Variants in FSHR observed in about 807,000 individuals in gnomAD.
FSHR encodes follicle stimulating hormone receptor.
A neutral mutation model predicts 52.1 loss-of-function variants in FSHR; 46 were observed. The observed-to-expected ratio is 0.88, with a 90% CI of 0.70 to 1.13. The LOEUF (loss-of-function observed/expected upper bound fraction) is 1.13. FSHR is among the 50% of genes most tolerant of loss of function. The pLI, the probability that FSHR is intolerant of heterozygous loss-of-function variation, is 0.00. For synonymous variants in FSHR, 399 were observed against 309.6 expected (o/e 1.29, Z -3.03); for missense variants, 964 against 834.6 (o/e 1.16, Z -1.91).
chr2:49,000,431 G>T (rs1001559772), intron 4 of FSHR, among the ~76,000 whole-genome samples: 2 of 152,144 alleles, frequency 1.3e-5, no homozygotes, highest in African/African-American at 2.4e-5. Flanking sequence ...TGTCACTATT[G>T]ATGTTTGTGC....
intron 2 of FSHR, among the ~76,000 whole-genome samples, chr2:49,043,199 C>A (rs982354400): frequency 3.3e-5 from 5 of 150,902 alleles, no homozygotes; most frequent in African/African-American, 1.2e-4. Context: ...CAAGGAGAAG[C>A]ACTTCTTAGA....
In FSHR at chr2:48,962,821, G is replaced by C. The variant is rs199948641; in HGVS notation, c.2000C>G (p.Pro667Arg). Residue 667 changes from proline to arginine, a missense_variant, in exon 10 of 10, where the codon CCA (proline) becomes CGA (arginine). Coordinates refer to ENST00000406846, the MANE Select transcript of FSHR (RefSeq NM_000145.4). ...AGCTGAAGAGCAGTGGCCATTCCTT[G>C]GATGGGTGTTGTGGACAGTGGATGA... ...ETSSTVHNTH[P>R]RNGHCSSAPR... 1.2e-6 allele frequency: 2 copies of C among 1,614,148 alleles called. No individual in the cohort carries two copies. The highest frequency in any genetic ancestry group is 1.7e-6 in the Non-Finnish European group (2 of 1,179,998).
intron 1 of FSHR, among the ~76,000 whole-genome samples, chr2:49,078,132 C>A (rs1330431808): frequency 6.6e-6 from 1 of 152,114 alleles, no homozygotes; most frequent in Non-Finnish European, 1.5e-5. Context: ...TGAGACTGGG[C>A]AATTTACAAA....
At chr2:48,996,509 G>T (rs1040241513) in intron 4 of FSHR, among the ~76,000 whole-genome samples, 1 of 151,980 alleles carries the variant, frequency 6.6e-6, no homozygotes, top group Non-Finnish European at 1.5e-5. Flanking sequence ...ATTTCTTGTT[G>T]ATTCATTAAC....
At chr2:49,110,980 A>G (rs906120188) in intron 1 of FSHR, among the ~76,000 whole-genome samples, 20 of 152,268 alleles carry the variant, frequency 1.3e-4, no homozygotes, top group African/African-American at 4.1e-4. Flanking sequence ...GGTTCTTCAA[A>G]TGGAACCTTA....
intron 1 of FSHR, among the ~76,000 whole-genome samples, chr2:49,101,756 T>A (rs1444459381): frequency 1.3e-5 from 2 of 152,166 alleles, no homozygotes; most frequent in Non-Finnish European, 2.9e-5. Flanking sequence ...GAATCAGAAA[T>A]CTATAAAGAA....
At chr2:49,032,548 G>A (rs1209179722) in intron 2 of FSHR, among the ~76,000 whole-genome samples, 1 of 152,204 alleles carries the variant, frequency 6.6e-6, no homozygotes, top group East Asian at 1.9e-4. Context: ...GGAGTACATA[G>A]TGACAAGAGA....
chr2:49,050,308 A>C (rs118153020), intron 2 of FSHR, among the ~76,000 whole-genome samples: 1 of 152,302 alleles, frequency 6.6e-6, no homozygotes, highest in East Asian at 1.9e-4. Flanking sequence ...CTTTACCCAG[A>C]AATGAGTTTG....
chr2:49,103,459 C>G (rs944033909), intron 1 of FSHR, among the ~76,000 whole-genome samples: 1 of 152,114 alleles, frequency 6.6e-6, no homozygotes, highest in Middle Eastern at 3.2e-3. Context: ...TGTCTTCTTC[C>G]AAGCCAAGAA....
At chr2:49,147,638 C>T (rs1672916019) in intron 1 of FSHR, among the ~76,000 whole-genome samples, 1 of 151,978 alleles carries the variant, frequency 6.6e-6, no homozygotes, top group Non-Finnish European at 1.5e-5. Flanking sequence ...GGATAGAGTT[C>T]ATCTTCTACT....
chr2:49,125,326 A>C (rs1671959503), intron 1 of FSHR, among the ~76,000 whole-genome samples: 1 of 152,122 alleles, frequency 6.6e-6, no homozygotes, highest in Non-Finnish European at 1.5e-5. Flanking sequence ...GCTAAAAAAA[A>C]AATCACAAAA....
chr2:49,148,643 T>A (rs1286285642), intron 1 of FSHR, among the ~76,000 whole-genome samples: 1 of 152,030 alleles, frequency 6.6e-6, no homozygotes, highest in Non-Finnish European at 1.5e-5. Context: ...AGTGTTTGAA[T>A]GAAAGCAAGT....
In FSHR at chr2:49,110,494, C is replaced by T. The variant is rs145745614; in HGVS notation, c.153-42204G>A. On this transcript the variant is annotated intron_variant, in intron 1 of 9. Transcript: ENST00000406846. ...CCGATATTCCATAAAAGTAAATCAA[C>T]TGGCACAGTTCAGGGAAAAGGAAGG... 2.3e-3 allele frequency among the ~76,000 whole-genome samples: 348 copies of T among 152,248 alleles called. 2 individuals carry two copies. Among genetic ancestry groups the T allele is most frequent in the African/African-American group, 7.9e-3 (329 of 41,558 alleles).
chr2:49,060,010 C>CA (rs138702806), intron 2 of FSHR, among the ~76,000 whole-genome samples: 5,484 of 151,650 alleles, frequency 0.036, 251 homozygotes, highest in African/African-American at 0.11. Context: ...AAAAAAATAC[C>CA]AAAAAAATTT....
chr2:49,025,344 G>A (rs1667880725), intron 2 of FSHR, among the ~76,000 whole-genome samples: 1 of 152,192 alleles, frequency 6.6e-6, no homozygotes, highest in Non-Finnish European at 1.5e-5. Context: ...AGTGAGAGTA[G>A]TATTCTAGGC....
At chr2:48,993,859 A>G (rs946821337) in intron 4 of FSHR, among the ~76,000 whole-genome samples, 1 of 152,150 alleles carries the variant, frequency 6.6e-6, no homozygotes. Context: ...CACCCTTCAG[A>G]GTTTAGTTAC....
chr2:49,040,723 T>C (rs1335189508), intron 2 of FSHR, among the ~76,000 whole-genome samples: 2 of 152,118 alleles, frequency 1.3e-5, no homozygotes, highest in East Asian at 3.9e-4. Context: ...GGAGGGTCCT[T>C]GAAGATGAAT....
At chr2:49,041,291 AACTC>A (rs1156397492) in intron 2 of FSHR, among the ~76,000 whole-genome samples, 1 of 152,152 alleles carries the variant, frequency 6.6e-6, no homozygotes, top group Non-Finnish European at 1.5e-5. Flanking sequence ...ATAGAAATGG[AACTC>A]ACTCAGTGTA....
chr2:48,973,264 A>G (rs1573026577), intron 8 of FSHR, among the ~76,000 whole-genome samples: 1 of 149,054 alleles, frequency 6.7e-6, no homozygotes, highest in Admixed American at 6.6e-5. Flanking sequence ...ACACACACAC[A>G]CACACATGCA....
Sources: gnomAD v4.1 joint callset for allele counts (sites outside exome capture counted in the v4.1 genomes callset) on GRCh38, gnomAD v4.1.1 for gene constraint, MANE v1.5 for transcripts, NCBI Gene and HGNC (gene_info 2026-07-23, HGNC 2026-07-21) for gene names.